FGFR2: variants seen among roughly 807,000 people sequenced by gnomAD.
FGFR2 encodes the protein BEK fibroblast growth factor receptor.
In FGFR2, 19 loss-of-function variants were observed where a neutral mutation model predicts 95.9. The ratio of observed to expected loss-of-function variants is 0.20; its 90% CI spans 0.14 to 0.29. The LOEUF is 0.29. Among genes scored for constraint, FGFR2 ranks in the 10% least tolerant of loss-of-function variants. The probability of loss-of-function intolerance (pLI) is 1.00; values close to 1 mark genes in which losing one functional copy is unlikely to be tolerated. For synonymous variants in FGFR2, 392 were observed against 393.3 expected, an observed-to-expected ratio of 1.00 and a Z score of 0.04; for missense variants, 707 against 1,056.9, an observed-to-expected ratio of 0.67 and a Z score of 4.59.
At chr10:121,579,661 C>T (rs115894184) in intron 2 of FGFR2, among the ~76,000 whole-genome samples, 192 of 152,314 alleles carry the variant, frequency 1.3e-3, no homozygotes, top group African/African-American at 4.6e-3. Context: ...GGCACAGTAA[C>T]ACACCACAGA....
chr10:121,512,792 A>G (rs1849223815), intron 9 of FGFR2, among the ~76,000 whole-genome samples: 1 of 152,218 alleles, frequency 6.6e-6, no homozygotes. Context: ...GAAGGAGGGA[A>G]GAAAAAGAGG....
In FGFR2 at chr10:121,496,612, C is replaced by G. The variant is rs2133937677; in HGVS notation, c.1783G>C (p.Glu595Gln). 1 of 1,613,468 alleles carries G rather than the reference C, an allele frequency of 6.2e-7. No homozygotes were observed. The highest frequency in any genetic ancestry group is 1.1e-5 in the South Asian group (1 of 91,034). The stretch of plus-strand genomic sequence containing the variant: ...AAGTCCTTGAAGGTCATCTGCTCCT[C>G]AGGAACACGGTTAATGTCATAGGAG... ...EYSYDINRVPEEQMTFKDLVS... is the reference protein window; with the variant it reads ...EYSYDINRVPQEQMTFKDLVS... Residue 595 changes from glutamate (E) to glutamine (Q), a missense_variant, in exon 13 of 18, where the codon GAG becomes CAG. Glu to Gln is a conservative substitution (Grantham distance 29). Around this residue, in one of 7 missense-constraint regions of FGFR2, gnomAD observed 37 missense variants for 34.1 expected, o/e 1.09. Coordinates refer to ENST00000358487, the MANE Select transcript of FGFR2 (RefSeq NM_000141.5).
chr10:121,570,401 T>A (rs1388278069), intron 2 of FGFR2, among the ~76,000 whole-genome samples: 1 of 152,172 alleles, frequency 6.6e-6, no homozygotes. Context: ...CAAAGGGGCC[T>A]CCCTAACTCT....
intron 4 of FGFR2, among the ~76,000 whole-genome samples, chr10:121,556,483 G>A (rs2134951762): frequency 6.7e-6 from 1 of 149,658 alleles, no homozygotes; most frequent in Admixed American, 6.6e-5. Flanking sequence ...GGAGAAACAT[G>A]GAATCATATT....
At chr10:121,506,826 T>C (rs532899822) in intron 9 of FGFR2, among the ~76,000 whole-genome samples, 1 of 152,366 alleles carries the variant, frequency 6.6e-6, no homozygotes, top group Non-Finnish European at 1.5e-5. Flanking sequence ...ATTTCAGAAC[T>C]TTCTAGACCA....
chr10:121,593,945 C>A lies in FGFR2; in HGVS notation c.-128G>T. 1.2e-6 allele frequency: 1 copy of A among 816,582 alleles called. No individual in the cohort carries two copies. Among genetic ancestry groups the A allele is most frequent in the South Asian group, 1.4e-5 (1 of 70,262 alleles). 50.6% of individuals were successfully genotyped at this position (816,582 alleles called of 1,614,324 possible). ...CCTGCGGTGGGCTCAGGAACCGAGGCGCTGCCGCTGCTGCTGCAGTCACTA... is the reference window on the plus strand; with the variant it reads ...CCTGCGGTGGGCTCAGGAACCGAGGAGCTGCCGCTGCTGCTGCAGTCACTA... On this transcript the variant is annotated 5_prime_UTR_variant, in exon 2 of 18. Coordinates refer to ENST00000358487, the MANE Select transcript of FGFR2 (RefSeq NM_000141.5).
At chr10:121,509,088 T>C (rs1165693692) in intron 9 of FGFR2, among the ~76,000 whole-genome samples, 2 of 152,260 alleles carry the variant, frequency 1.3e-5, no homozygotes, top group Admixed American at 1.3e-4. Context: ...TATTAAATTC[T>C]CTTTTCTTTT....
chr10:121,582,415 T>TA (rs1315650525), intron 2 of FGFR2, among the ~76,000 whole-genome samples: 10 of 152,212 alleles, frequency 6.6e-5, no homozygotes, highest in Admixed American at 6.5e-5. Flanking sequence ...ATCATGTTTA[T>TA]ACCATCTTGC....
intron 6 of FGFR2, 90 bp downstream of exon 6, chr10:121,538,502 G>A (rs2134595788): frequency 1.3e-6 from 2 of 1,542,112 alleles, no homozygotes; most frequent in Middle Eastern, 3.4e-4. Flanking sequence ...GAAACTTATG[G>A]GAGAAACAGG....
rs752519660 is a variant in FGFR2 at position 121,518,859 on chromosome 10, G to C, written c.939+1120C>G. The C allele has an allele frequency of 7.9e-5, 127 of 1,613,596 alleles. No individual in the cohort carries two copies. Among genetic ancestry groups the C allele is most frequent in the Non-Finnish European group, 1.1e-4 (125 of 1,179,844 alleles). ...AACAGACACAGGAGAACAATATAAC[G>C]GCCAACCAGGAAGGTCTTAGCATTG... On this transcript the variant is annotated intron_variant, in intron 7 of 17. Transcript: ENST00000358487. This position sits in a 1 kb window ranked among gnomAD's most constrained non-coding sequence, Gnocchi z 4.0.
At chr10:121,526,052 G>A in intron 6 of FGFR2, 2 of 396,536 alleles carry the variant, frequency 5.0e-6, no homozygotes, top group Middle Eastern at 6.4e-4. Flanking sequence ...TCCCAGTATT[G>A]ATCTGGAAAC....
intron 4 of FGFR2, among the ~76,000 whole-genome samples, chr10:121,551,693 G>A (rs1168434143): frequency 4.6e-5 from 7 of 152,016 alleles, no homozygotes; most frequent in Admixed American, 4.6e-4. Flanking sequence ...AAAAAAAAGT[G>A]TTTGAGGCCC....
At chr10:121,566,891 C>T (rs1857753185) in intron 2 of FGFR2, among the ~76,000 whole-genome samples, 1 of 152,080 alleles carries the variant, frequency 6.6e-6, no homozygotes, top group South Asian at 2.1e-4. Flanking sequence ...AAGGATCCAA[C>T]CCACACAACC....
chr10:121,557,811 T>C (rs1048861620), intron 4 of FGFR2, among the ~76,000 whole-genome samples: 4 of 152,144 alleles, frequency 2.6e-5, no homozygotes, highest in Non-Finnish European at 1.5e-5. Flanking sequence ...CTTTGAACTG[T>C]TATCGGCAGG....
intron 6 of FGFR2, among the ~76,000 whole-genome samples, chr10:121,537,286 T>C (rs1235697534): frequency 1.3e-5 from 2 of 152,208 alleles, no homozygotes; most frequent in Non-Finnish European, 2.9e-5. Flanking sequence ...CCTGAATGCT[T>C]ATATGCAAAT....
At chr10:121,492,607 G>A (rs1017715152) in intron 13 of FGFR2, among the ~76,000 whole-genome samples, 4 of 152,228 alleles carry the variant, frequency 2.6e-5, no homozygotes, top group African/African-American at 9.6e-5. Context: ...GGGGATGGGT[G>A]TGGGAAAGCC....
At position 121,551,535 on chromosome 10, in the gene FGFR2, A is replaced by T. The variant is rs893019661; in HGVS notation, c.455-76T>A. On this transcript the variant is annotated intron_variant, in intron 4 of 17. Transcript: ENST00000358487. ...CATGAGTAAACTCCAAACAGGTAAGATCATTTCGCTTTGCATGTAAATGCT... is the reference window on the plus strand; with the variant it reads ...CATGAGTAAACTCCAAACAGGTAAGTTCATTTCGCTTTGCATGTAAATGCT... 3.0e-6 allele frequency: 4 copies of T among 1,347,398 alleles called. No individual in the cohort carries two copies. The African/African-American group carries it at 5.8e-5, about 20-fold the overall frequency. The allele number at this position is 1,347,398 out of a possible 1,614,324, so 83.5% of individuals were successfully genotyped here.
chr10:121,597,671 C>T lies in FGFR2; in HGVS notation c.-151+291G>A, dbSNP rs531562883. On this transcript the variant is annotated intron_variant, in intron 1 of 17. Coordinates refer to ENST00000358487, the MANE Select transcript of FGFR2 (RefSeq NM_000141.5). ...GGGTCGGAGAAACGCGCCCAGTCAG[C>T]GGGAATGCGCCCGCCAGGGTTTGAC... 6.6e-5 allele frequency among the ~76,000 whole-genome samples: 10 copies of T among 152,342 alleles called. No homozygotes were observed. In the South Asian group the frequency reaches 1.2e-3, roughly 19 times the overall value.
At chr10:121,550,136 C>T (rs1007036190) in intron 5 of FGFR2, among the ~76,000 whole-genome samples, 4 of 152,216 alleles carry the variant, frequency 2.6e-5, no homozygotes, top group African/African-American at 9.6e-5. Context: ...CCTTCCAACT[C>T]AGACCTGAAT....
Sources: gnomAD v4.1 joint callset for allele counts (sites outside exome capture counted in the v4.1 genomes callset) on GRCh38, gnomAD v4.1.1 for gene constraint, gnomAD v4.1.1 regional missense constraint, Gnocchi (gnomAD v3.1) non-coding constraint, MANE v1.5 for transcripts, NCBI Gene and HGNC (gene_info 2026-07-23, HGNC 2026-07-21) for gene names.